GPC3: variants seen among roughly 807,000 people sequenced by gnomAD.
The protein encoded by GPC3 is glypican 3, also known as glypican-3.
In GPC3, 3 loss-of-function variants were observed where a neutral mutation model predicts 34.4. The observed-to-expected ratio is 0.09, with a 90% CI of 0.04 to 0.23. The LOEUF (loss-of-function observed/expected upper bound fraction) is 0.23, where lower values mean the gene tolerates loss of function less well. GPC3 is among the 10% of genes least tolerant of loss of function. The pLI is 1.00. For synonymous variants in GPC3, 177 were observed against 174.0 expected (o/e 1.02, Z -0.13); for missense variants, 351 against 445.6 (o/e 0.79, Z 1.91).
intron 7 of GPC3, among the ~76,000 whole-genome samples, chrX:133,593,354 T>TAAAAA (rs1186766438): frequency 4.2e-5 from 2 of 47,693 alleles, no homozygotes; most frequent in African/African-American, 8.7e-5. Context: ...AAAAAAAAAG[T>TAAAAA]AAAAAAAAAA....
chrX:133,641,174 G>GT (rs1199631805), intron 6 of GPC3, among the ~76,000 whole-genome samples: 1 of 110,193 alleles, frequency 9.1e-6, no homozygotes, highest in Non-Finnish European at 1.9e-5. Context: ...GAATGAGGAG[G>GT]TTAAAAAAAA....
intron 2 of GPC3, among the ~76,000 whole-genome samples, chrX:133,923,589 T>A (rs1317211467): frequency 2.7e-5 from 3 of 111,668 alleles, no homozygotes; most frequent in Non-Finnish European, 5.6e-5. Flanking sequence ...GAGGGAAAAC[T>A]GGAAGAACCT....
At chrX:133,852,483 T>G (rs773197255) in intron 2 of GPC3, among the ~76,000 whole-genome samples, 3 of 112,573 alleles carry the variant, frequency 2.7e-5, no homozygotes, top group Admixed American at 9.4e-5. Context: ...AGTCAAGATT[T>G]CCTCATTCTT....
chrX:133,551,081 T>G (rs1328879728), intron 7 of GPC3, among the ~76,000 whole-genome samples: 1 of 111,115 alleles, frequency 9.0e-6, no homozygotes. Flanking sequence ...CCTTCATGAT[T>G]GTGTTCCCAT....
intron 6 of GPC3, among the ~76,000 whole-genome samples, chrX:133,614,124 C>T (rs1216457426): frequency 1.8e-5 from 2 of 111,108 alleles, no homozygotes; most frequent in Non-Finnish European, 3.8e-5. Flanking sequence ...TGTGGGATAC[C>T]ATCAAGCATA....
intron 2 of GPC3, among the ~76,000 whole-genome samples, chrX:133,880,895 G>T (rs1349444866): frequency 1.8e-5 from 2 of 111,826 alleles, no homozygotes; most frequent in Non-Finnish European, 3.8e-5. Flanking sequence ...CAGCTTTCCA[G>T]CTCTGTATAT....
intron 1 of GPC3, among the ~76,000 whole-genome samples, chrX:133,974,567 A>T (rs1158112825): frequency 9.0e-6 from 1 of 111,188 alleles, no homozygotes; most frequent in Non-Finnish European, 1.9e-5. Context: ...GGGTTCTTGA[A>T]GTCTTTGGCA....
At chrX:133,895,211 G>A (rs2076106075) in intron 2 of GPC3, among the ~76,000 whole-genome samples, 3 of 111,749 alleles carry the variant, frequency 2.7e-5, no homozygotes, top group African/African-American at 9.8e-5. Flanking sequence ...CTACTTCCTT[G>A]GAGTAGCCTA....
intron 2 of GPC3, among the ~76,000 whole-genome samples, chrX:133,773,329 G>A (rs2071942180): frequency 8.9e-6 from 1 of 111,989 alleles, no homozygotes; most frequent in African/African-American, 3.2e-5. Flanking sequence ...CATACCAAAT[G>A]TGAAGAACAG....
intron 3 of GPC3, among the ~76,000 whole-genome samples, chrX:133,744,838 AAGG>A (rs1389289217): frequency 8.9e-6 from 1 of 111,918 alleles, no homozygotes; most frequent in Admixed American, 9.4e-5. Context: ...AGCCATAAAA[AAGG>A]AGGAGTTCAT....
intron 2 of GPC3, among the ~76,000 whole-genome samples, chrX:133,882,842 G>C (rs1361836438): frequency 9.0e-6 from 1 of 111,338 alleles, no homozygotes; most frequent in African/African-American, 3.3e-5. Context: ...CCAATCCCTT[G>C]AGAATCTTAT....
chrX:133,773,089 G>A (rs907583955), intron 2 of GPC3, among the ~76,000 whole-genome samples: 9 of 110,350 alleles, frequency 8.2e-5, no homozygotes, highest in African/African-American at 2.0e-4. Flanking sequence ...ATGGAGTTTC[G>A]CTCTTCTTGC....
chrX:133,772,409 C>T (rs966963428), intron 2 of GPC3, among the ~76,000 whole-genome samples: 3 of 111,112 alleles, frequency 2.7e-5, no homozygotes, highest in Non-Finnish European at 5.7e-5. Context: ...GGTCTGCTCC[C>T]GACAAACAAC....
rs183969963 is a variant in GPC3, at chrX:133,793,524, C to T, written c.338-39348G>A. On this transcript the variant is annotated intron_variant, in intron 2 of 7. Transcript: ENST00000370818. ...CCCTTAAAGCGAAACAGATTTTCCTCATATTTTTTCCTAAGTCACCAAACC... is the reference window on the plus strand; with the variant it reads ...CCCTTAAAGCGAAACAGATTTTCCTTATATTTTTTCCTAAGTCACCAAACC... Among the ~76,000 whole-genome samples the T allele has an allele frequency of 1.3e-4, 15 of 111,508 alleles. No individual in the cohort carries two copies. In the East Asian group the frequency reaches 2.8e-3, roughly 21 times the overall value.
intron 7 of GPC3, among the ~76,000 whole-genome samples, chrX:133,564,349 A>G (rs1186654145): frequency 1.8e-5 from 2 of 111,530 alleles, no homozygotes; most frequent in African/African-American, 6.5e-5. Flanking sequence ...GCGTTGTGTC[A>G]GTACCCAGTC....
intron 6 of GPC3, among the ~76,000 whole-genome samples, chrX:133,657,600 C>T (rs1369300779): frequency 3.6e-5 from 4 of 111,466 alleles, no homozygotes; most frequent in Non-Finnish European, 7.5e-5. Flanking sequence ...TACACATGAA[C>T]TCTGCCTTGG....
intron 3 of GPC3, among the ~76,000 whole-genome samples, chrX:133,744,350 A>G (rs1327140832): frequency 8.9e-6 from 1 of 112,876 alleles, no homozygotes; most frequent in Admixed American, 9.3e-5. Context: ...AAGTGGGCAA[A>G]GCATATGAAC....
intron 7 of GPC3, among the ~76,000 whole-genome samples, chrX:133,570,785 C>T (rs754806311): frequency 9.0e-6 from 1 of 111,492 alleles, no homozygotes; most frequent in South Asian, 3.8e-4. Context: ...TTCACCATTC[C>T]ATGTTGGTTC....
intron 2 of GPC3, among the ~76,000 whole-genome samples, chrX:133,942,422 C>A (rs2076349014): frequency 9.0e-6 from 1 of 111,519 alleles, no homozygotes; most frequent in Non-Finnish European, 1.9e-5. Flanking sequence ...TGTGAAATAT[C>A]CACAGTAGTA....
Sources: allele counts gnomAD v4.1 joint callset (sites outside exome capture counted in the v4.1 genomes callset), GRCh38; gene constraint gnomAD v4.1.1; transcripts MANE v1.5; gene names NCBI Gene and HGNC (gene_info 2026-07-23, HGNC 2026-07-21).